Variants in TIAM2 observed in about 807,000 individuals in gnomAD.
The protein encoded by TIAM2 is rho guanine nucleotide exchange factor TIAM2.
In TIAM2, 80 loss-of-function variants were observed where a neutral mutation model predicts 152.9. That is an observed-to-expected ratio of 0.52 (90% CI 0.44 to 0.63). TIAM2 has a LOEUF of 0.63. Among genes scored for constraint, TIAM2 ranks in the 30% least tolerant of loss-of-function variants. The pLI, the probability that TIAM2 is intolerant of heterozygous loss-of-function variation, is 0.00. For synonymous variants in TIAM2, 804 were observed against 838.0 expected (o/e 0.96, Z 0.70); for missense variants, 1,965 against 2,120.1 (o/e 0.93, Z 1.44).
At chr6:155,080,896 C>T (rs914865427) in intron 1 of TIAM2, among the ~76,000 whole-genome samples, 2 of 152,148 alleles carry the variant, frequency 1.3e-5, no homozygotes, top group East Asian at 3.9e-4. Context: ...CAGAGGGCAG[C>T]GTGACAGTTG....
chr6:155,038,452 T>C (rs1393164344), intron 1 of TIAM2, among the ~76,000 whole-genome samples: 2 of 152,194 alleles, frequency 1.3e-5, no homozygotes, highest in African/African-American at 4.8e-5. Context: ...TTGGGGCTAG[T>C]TGGAGGTGGG....
At chr6:155,016,499 G>A (rs940723580) in intron 1 of TIAM2, 2 of 56,224 alleles carry the variant, frequency 3.6e-5, no homozygotes, top group Non-Finnish European at 3.8e-5. Flanking sequence ...AATGTAAATG[G>A]TATTTACATT....
At chr6:155,131,096 A>AGC (rs1157469413) in intron 4 of TIAM2, among the ~76,000 whole-genome samples, 4 of 152,360 alleles carry the variant, frequency 2.6e-5, no homozygotes, top group African/African-American at 9.6e-5. Flanking sequence ...GTGGCAGCTC[A>AGC]TGCCTGTCAT....
In TIAM2 at chr6:155,114,040, TTTTTTTTTTC is replaced by T. The variant is rs1364872005; in HGVS notation, c.-117-13440_-117-13431del. On this transcript the variant is annotated intron_variant, in intron 2 of 26. Transcript: ENST00000682666. ...TATATATATATATATATATATATTT[TTTTTTTTTTC>T]TTTTTTTTTTTTTTTTTTTTTGAAA... is the stretch of plus-strand genomic sequence containing the variant. Among the ~76,000 whole-genome samples, 160 of 38,924 alleles carry T rather than the reference TTTTTTTTTTC, an allele frequency of 4.1e-3. 2 individuals carry two copies. Among genetic ancestry groups the T allele is most frequent in the East Asian group, 0.014 (22 of 1,558 alleles). The allele number at this position is 38,924 out of a possible 152,430, so 25.5% of individuals were successfully genotyped here.
At chr6:155,219,350 C>T (rs965798148) in intron 15 of TIAM2, among the ~76,000 whole-genome samples, 1 of 152,100 alleles carries the variant, frequency 6.6e-6, no homozygotes, top group Non-Finnish European at 1.5e-5. Context: ...CTGTGAACAC[C>T]GAGATGCTTA....
chr6:155,081,553 C>A (rs973321196), intron 1 of TIAM2, among the ~76,000 whole-genome samples: 2 of 152,136 alleles, frequency 1.3e-5, no homozygotes, highest in African/African-American at 4.8e-5. Flanking sequence ...GAGTCCCTGT[C>A]CAGCCATGGT....
At chr6:155,165,181 C>A in intron 8 of TIAM2, 82 bp from the exon 9 acceptor site, 2 of 1,425,072 alleles carry the variant, frequency 1.4e-6, no homozygotes, top group Non-Finnish European at 1.9e-6. Flanking sequence ...GCATTTATAG[C>A]AAGCAGAGCT....
At chr6:154,998,715 A>C (rs1778263473) in intron 1 of TIAM2, among the ~76,000 whole-genome samples, 1 of 152,202 alleles carries the variant, frequency 6.6e-6, no homozygotes, top group Admixed American at 6.5e-5. Context: ...CTTTAAGGAT[A>C]ATATGGATCA....
intron 1 of TIAM2, among the ~76,000 whole-genome samples, chr6:154,998,201 T>A (rs905702863): frequency 2.0e-5 from 3 of 152,182 alleles, no homozygotes; most frequent in Non-Finnish European, 4.4e-5. Flanking sequence ...TTTACGTGTC[T>A]AATCGTGATT....
chr6:155,011,176 T>C (rs1778483806), intron 1 of TIAM2, among the ~76,000 whole-genome samples: 1 of 152,166 alleles, frequency 6.6e-6, no homozygotes. Flanking sequence ...TTAGGATATT[T>C]CAGGCGGTTA....
intron 15 of TIAM2, among the ~76,000 whole-genome samples, chr6:155,238,972 C>T (rs1782900696): frequency 1.3e-5 from 2 of 152,086 alleles, no homozygotes. Context: ...GGGGTTGGGG[C>T]ATAGAACAGA....
At chr6:155,253,373 C>A in intron 24 of TIAM2, 1 of 287,334 alleles carries the variant, frequency 3.5e-6, no homozygotes, top group Non-Finnish European at 6.5e-6. Context: ...TATGTTTTTA[C>A]AAATTTAGAA....
chr6:155,251,808 T>G, intron 22 of TIAM2, 137 bp from the exon 23 acceptor site: 1 of 678,656 alleles, frequency 1.5e-6, no homozygotes, highest in Non-Finnish European at 2.6e-6. Context: ...TACCATTTAT[T>G]CACTCATGTT....
intron 2 of TIAM2, among the ~76,000 whole-genome samples, chr6:155,104,058 C>CA (rs1562316987): frequency 5.6e-4 from 34 of 60,242 alleles, no homozygotes; most frequent in Admixed American, 1.7e-3. Flanking sequence ...CCCCACACCC[C>CA]CACACACCCC....
At chr6:155,227,856 C>G (rs909793309) in intron 15 of TIAM2, among the ~76,000 whole-genome samples, 1 of 152,172 alleles carries the variant, frequency 6.6e-6, no homozygotes, top group Non-Finnish European at 1.5e-5. Flanking sequence ...CCTCAGCAGT[C>G]TAGAAGCACA....
intron 1 of TIAM2, among the ~76,000 whole-genome samples, chr6:155,023,109 A>T (rs1583155117): frequency 1.7e-5 from 2 of 117,234 alleles, no homozygotes; most frequent in Non-Finnish European, 1.8e-5. Flanking sequence ...AAATGAATTT[A>T]TTTCATTTTG....
intron 7 of TIAM2, among the ~76,000 whole-genome samples, chr6:155,154,445 G>A (rs752672448): frequency 6.6e-6 from 1 of 152,168 alleles, no homozygotes; most frequent in Admixed American, 6.5e-5. Flanking sequence ...GGCCTCTTGG[G>A]TGTTTCTGGG....
intron 2 of TIAM2, among the ~76,000 whole-genome samples, chr6:155,123,952 A>T (rs1238444051): frequency 1.3e-5 from 2 of 152,192 alleles, no homozygotes; most frequent in African/African-American, 2.4e-5. Flanking sequence ...AAAAAATGAA[A>T]GGGTAGCTAA....
intron 2 of TIAM2, among the ~76,000 whole-genome samples, chr6:155,114,050 C>CTTTTTTTT (rs1275422426): frequency 3.8e-4 from 22 of 58,254 alleles, no homozygotes; most frequent in East Asian, 5.3e-4. Flanking sequence ...TTTTTTTTTT[C>CTTTTTTTT]TTTTTTTTTT....
Sources: gnomAD v4.1 joint callset for allele counts (sites outside exome capture counted in the v4.1 genomes callset) on GRCh38, gnomAD v4.1.1 for gene constraint, MANE v1.5 for transcripts, NCBI Gene and HGNC (gene_info 2026-07-23, HGNC 2026-07-21) for gene names.